TEAD1: variants seen among roughly 807,000 people sequenced by gnomAD.
TEAD1 encodes transcriptional enhancer factor TEF-1.
In TEAD1, 9 loss-of-function variants were observed where a neutral mutation model predicts 54.9. The ratio of observed to expected loss-of-function variants is 0.16; its 90% CI spans 0.10 to 0.29. The LOEUF is 0.29. Ranked by LOEUF, TEAD1 falls within the 10% of genes least tolerant of loss-of-function variation. The probability of loss-of-function intolerance (pLI) is 1.00; values close to 1 mark genes in which losing one functional copy is unlikely to be tolerated. For missense variants in TEAD1, 387 were observed against 535.9 expected (o/e 0.72, Z 2.74); for synonymous variants, 200 against 187.8 (o/e 1.07, Z -0.53).
chr11:12,813,157 G>T (rs1946342007), intron 3 of TEAD1, among the ~76,000 whole-genome samples: 1 of 152,186 alleles, frequency 6.6e-6, no homozygotes, highest in African/African-American at 2.4e-5. Context: ...GCTGAGGGAG[G>T]TGGAGCTGTA....
chr11:12,687,044 T>C (rs1311512190), intron 2 of TEAD1, among the ~76,000 whole-genome samples: 1 of 152,186 alleles, frequency 6.6e-6, no homozygotes, highest in Non-Finnish European at 1.5e-5. Flanking sequence ...TGGGTCTTGG[T>C]CTCTCCACTT....
chr11:12,726,939 T>A (rs1339568817), intron 2 of TEAD1, among the ~76,000 whole-genome samples: 4 of 152,174 alleles, frequency 2.6e-5, no homozygotes, highest in Non-Finnish European at 4.4e-5. Flanking sequence ...CTGTTTCTTT[T>A]TATGTCTGAG....
intron 7 of TEAD1, 84 bp from the exon 8 acceptor site, chr11:12,881,812 C>T (rs370885490): frequency 1.2e-5 from 17 of 1,389,596 alleles, no homozygotes; most frequent in South Asian, 9.2e-5. Flanking sequence ...GGACCTCCCA[C>T]TGGGAGGTCA....
chr11:12,937,324 A>C lies in TEAD1; in HGVS notation c.*102A>C. On this transcript the variant is annotated 3_prime_UTR_variant, in exon 13 of 13. Coordinates refer to ENST00000527636, the MANE Select transcript of TEAD1 (RefSeq NM_021961.6). ...CGAACGACTGACTGTAAACCTCACC[A>C]CACAGGGTGGTGCCCTGGCCCCGAG... 3 of 1,041,314 alleles carry C rather than the reference A, an allele frequency of 2.9e-6. No homozygotes were observed. Among genetic ancestry groups the C allele is most frequent in the Non-Finnish European group, 4.4e-6 (3 of 686,842 alleles). 64.5% of individuals were successfully genotyped at this position (1,041,314 alleles called of 1,614,324 possible). A position where few individuals can be genotyped will look rare whatever the true frequency, so the allele number is the denominator to read the frequency against.
At chr11:12,774,812 G>A (rs570725691) in intron 3 of TEAD1, among the ~76,000 whole-genome samples, 13 of 152,258 alleles carry the variant, frequency 8.5e-5, no homozygotes, top group African/African-American at 2.9e-4. Flanking sequence ...GTAAGAGAGA[G>A]CTAAATAAGG....
At chr11:12,748,570 T>G (rs941703660) in intron 2 of TEAD1, among the ~76,000 whole-genome samples, 2 of 152,202 alleles carry the variant, frequency 1.3e-5, no homozygotes, top group African/African-American at 4.8e-5. Context: ...ATTTGCATTT[T>G]AGGAAAACCT....
At position 12,902,219 on chromosome 11, in the gene TEAD1, C is replaced by T. The variant is rs1589974673; in HGVS notation, c.873+106C>T. The T allele has an allele frequency of 4.2e-6, 6 of 1,419,702 alleles. No homozygotes were observed. The East Asian group carries it at 1.4e-4, about 32-fold the overall frequency. 87.9% of individuals were successfully genotyped at this position (1,419,702 alleles called of 1,614,324 possible). ...GGCTTTGGATTTACACTGAGTGCAC[C>T]TTCATGTGCTTCTGCACAATTGCCA... On this transcript the variant is annotated intron_variant, in intron 10 of 12. Transcript: ENST00000527636.
intron 12 of TEAD1, among the ~76,000 whole-genome samples, chr11:12,936,268 C>T (rs1334758353): frequency 2.0e-5 from 3 of 152,078 alleles, no homozygotes; most frequent in Admixed American, 1.3e-4. Context: ...ATGATTTGGG[C>T]TGGAGAACTC....
At chr11:12,686,487 G>A (rs1943336864) in intron 2 of TEAD1, among the ~76,000 whole-genome samples, 1 of 152,082 alleles carries the variant, frequency 6.6e-6, no homozygotes, top group Non-Finnish European at 1.5e-5. Flanking sequence ...TCATTCATAG[G>A]AATGATTCAG....
chr11:12,904,679 T>C (rs555800117), intron 10 of TEAD1: 1 of 153,790 alleles, frequency 6.5e-6, no homozygotes, highest in South Asian at 1.9e-4. Context: ...AAGATGTATA[T>C]CAACATGTAA....
rs548044773 is a variant in TEAD1, at chr11:12,879,767, C to T, written c.390C>T (p.Ile130=). 9.2e-5 allele frequency: 149 copies of T among 1,614,160 alleles called. No homozygotes were observed. In the East Asian group the frequency reaches 2.8e-3, roughly 30 times the overall value. Residue 130 remains isoleucine (I), a synonymous_variant, in exon 6 of 13, where the codon ATC becomes ATT. Coordinates refer to ENST00000527636, the MANE Select transcript of TEAD1 (RefSeq NM_021961.6). ...TGGCGGCCATGTCCTCAGCCCAGATCGTCTCGGCCACTGCCATTCATAACA... is the reference window on the plus strand; with the variant it reads ...TGGCGGCCATGTCCTCAGCCCAGATTGTCTCGGCCACTGCCATTCATAACA...
intron 3 of TEAD1, among the ~76,000 whole-genome samples, chr11:12,779,226 AC>A (rs1945494830): frequency 6.6e-6 from 1 of 152,218 alleles, no homozygotes; most frequent in Non-Finnish European, 1.5e-5. Context: ...CTTGAATGAT[AC>A]AGTTACCGGG....
At chr11:12,928,694 A>G (rs1948950228) in intron 11 of TEAD1, among the ~76,000 whole-genome samples, 1 of 152,332 alleles carries the variant, frequency 6.6e-6, no homozygotes, top group African/African-American at 2.4e-5. Flanking sequence ...CTGTGAAACT[A>G]TTTGGTCTTT....
At chr11:12,877,424 G>A (rs1209203446) in intron 5 of TEAD1, among the ~76,000 whole-genome samples, 5 of 152,182 alleles carry the variant, frequency 3.3e-5, no homozygotes, top group African/African-American at 4.8e-5. Flanking sequence ...AGGCCAAGGC[G>A]GGTGGATCAT....
chr11:12,882,412 C>A (rs767330033), intron 8 of TEAD1, among the ~76,000 whole-genome samples: 1 of 152,122 alleles, frequency 6.6e-6, no homozygotes, highest in Non-Finnish European at 1.5e-5. Context: ...GCCTACCTGT[C>A]TCCTTCCCCA....
chr11:12,740,265 T>C (rs1257570224), intron 2 of TEAD1, among the ~76,000 whole-genome samples: 1 of 152,204 alleles, frequency 6.6e-6, no homozygotes, highest in East Asian at 1.9e-4. Context: ...TCTCATAGTA[T>C]TGTTATGGGT....
At chr11:12,751,539 G>T (rs1944870110) in intron 2 of TEAD1, among the ~76,000 whole-genome samples, 1 of 152,152 alleles carries the variant, frequency 6.6e-6, no homozygotes, top group African/African-American at 2.4e-5. Flanking sequence ...CTGCTGGAGA[G>T]GGTGCTTGTT....
At chr11:12,811,937 A>T (rs1009147984) in intron 3 of TEAD1, among the ~76,000 whole-genome samples, 2 of 152,064 alleles carry the variant, frequency 1.3e-5, no homozygotes, top group Non-Finnish European at 2.9e-5. Context: ...AAACAGGCTC[A>T]GCCACACCGG....
intron 2 of TEAD1, among the ~76,000 whole-genome samples, chr11:12,705,005 T>C (rs1943784371): frequency 6.6e-6 from 1 of 152,204 alleles, no homozygotes; most frequent in South Asian, 2.1e-4. Context: ...CTGGAATGAC[T>C]GGATTAATGA....
Sources: gnomAD v4.1 joint callset for allele counts (sites outside exome capture counted in the v4.1 genomes callset) on GRCh38, gnomAD v4.1.1 for gene constraint, MANE v1.5 for transcripts, NCBI Gene and HGNC (gene_info 2026-07-23, HGNC 2026-07-21) for gene names.